The following DYNC1I1 variants were observed in gnomAD, a reference collection of about 807,000 sequenced individuals.
DYNC1I1 encodes dynein cytoplasmic 1 intermediate chain 1.
Under a neutral mutation model 86.6 loss-of-function variants are expected in DYNC1I1, and 43 were observed. That is an observed-to-expected ratio of 0.50 (90% CI 0.39 to 0.64). DYNC1I1 has a LOEUF of 0.64. Among genes scored for constraint, DYNC1I1 ranks in the 30% least tolerant of loss-of-function variants. DYNC1I1 has a pLI of 0.00. For synonymous variants in DYNC1I1, 262 were observed against 283.7 expected (o/e 0.92, Z 0.77); for missense variants, 604 against 788.8 (o/e 0.77, Z 2.81).
chr7:96,073,781 G>A (rs1790242398), intron 14 of DYNC1I1, among the ~76,000 whole-genome samples: 2 of 152,228 alleles, frequency 1.3e-5, no homozygotes, highest in African/African-American at 4.8e-5. Context: ...AATTTGCAGT[G>A]GGAATAATCT....
At chr7:96,066,348 C>T (rs967034558) in intron 14 of DYNC1I1, among the ~76,000 whole-genome samples, 2 of 152,190 alleles carry the variant, frequency 1.3e-5, no homozygotes. Flanking sequence ...ACACCACTAC[C>T]ACCCCCAATC....
Position 95,907,236 on chromosome 7 carries a change from G to A in DYNC1I1, c.490+37238G>A, listed in dbSNP as rs567818323. On this transcript the variant is annotated intron_variant, in intron 6 of 16. Coordinates refer to ENST00000447467, the MANE Select transcript of DYNC1I1 (RefSeq NM_001135556.2). ...TATTTGGATACGAGCATATATCCTT[G>A]CCCCGCTTTTTCATGTTTGAAGCAG... Among the ~76,000 whole-genome samples, 51 of 152,232 alleles carry A rather than the reference G, an allele frequency of 3.4e-4. 1 individual carries two copies. Among genetic ancestry groups the A allele is most frequent in the African/African-American group, 1.2e-3 (51 of 41,554 alleles).
intron 14 of DYNC1I1, among the ~76,000 whole-genome samples, chr7:96,045,898 G>T (rs1473737984): frequency 6.6e-6 from 1 of 152,156 alleles, no homozygotes; most frequent in Non-Finnish European, 1.5e-5. Context: ...ATGGGAAGGG[G>T]AGACGGAATA....
intron 11 of DYNC1I1, among the ~76,000 whole-genome samples, chr7:96,029,142 G>T (rs540577109): frequency 6.6e-6 from 1 of 152,258 alleles, no homozygotes; most frequent in South Asian, 2.1e-4. Context: ...CATGAAAAAG[G>T]ACTGCCAGCT....
intron 10 of DYNC1I1, among the ~76,000 whole-genome samples, chr7:96,025,980 G>A (rs1431769319): frequency 1.3e-5 from 2 of 151,974 alleles, no homozygotes; most frequent in Non-Finnish European, 2.9e-5. Context: ...ATACCACCTG[G>A]ATAATTTTAA....
intron 10 of DYNC1I1, among the ~76,000 whole-genome samples, chr7:96,025,847 G>A (rs577535691): frequency 1.3e-5 from 2 of 151,484 alleles, no homozygotes; most frequent in African/African-American, 2.4e-5. Context: ...TTGCGGGGGG[G>A]GGATATTTGC....
intron 6 of DYNC1I1, among the ~76,000 whole-genome samples, chr7:95,928,640 G>T (rs1177194624): frequency 1.3e-5 from 2 of 152,174 alleles, no homozygotes; most frequent in Non-Finnish European, 2.9e-5. Flanking sequence ...TTCAGTGTTA[G>T]TGCCGCCAGG....
At chr7:96,019,501 T>C (rs1382970529) in intron 10 of DYNC1I1, among the ~76,000 whole-genome samples, 1 of 152,124 alleles carries the variant, frequency 6.6e-6, no homozygotes. Context: ...TGGTATAGGA[T>C]GTGGCCTGAG....
intron 6 of DYNC1I1, among the ~76,000 whole-genome samples, chr7:95,975,271 A>G (rs1793273907): frequency 6.6e-6 from 1 of 152,126 alleles, no homozygotes; most frequent in East Asian, 1.9e-4. Flanking sequence ...AATACCACAA[A>G]CTGGCTGTTT....
intron 6 of DYNC1I1, among the ~76,000 whole-genome samples, chr7:95,954,559 C>T (rs931988457): frequency 6.6e-6 from 1 of 152,056 alleles, no homozygotes; most frequent in Non-Finnish European, 1.5e-5. Context: ...AATGCTAAAA[C>T]TCAATGACAT....
chr7:96,006,549 A>G (rs897366351), intron 10 of DYNC1I1, among the ~76,000 whole-genome samples: 2 of 152,336 alleles, frequency 1.3e-5, no homozygotes, highest in East Asian at 3.9e-4. Flanking sequence ...TCCTGCCTTT[A>G]GAACATTCCA....
At chr7:95,883,602 G>C (rs1395865720) in intron 6 of DYNC1I1, among the ~76,000 whole-genome samples, 2 of 152,140 alleles carry the variant, frequency 1.3e-5, no homozygotes, top group Non-Finnish European at 2.9e-5. Flanking sequence ...ACTAATGTAT[G>C]CATAAATGTG....
At chr7:95,840,622 T>G (rs545292624) in intron 5 of DYNC1I1, among the ~76,000 whole-genome samples, 1 of 152,350 alleles carries the variant, frequency 6.6e-6, no homozygotes, top group Non-Finnish European at 1.5e-5. Context: ...TCTTTGATTC[T>G]TTGTGTTAGT....
chr7:95,924,554 G>A (rs932886671), intron 6 of DYNC1I1, among the ~76,000 whole-genome samples: 4 of 152,206 alleles, frequency 2.6e-5, no homozygotes, highest in South Asian at 2.1e-4. Context: ...TATGTCCATC[G>A]GACAGCAGTG....
At chr7:95,773,710 T>C (rs1021198914) in intron 1 of DYNC1I1, among the ~76,000 whole-genome samples, 4 of 152,210 alleles carry the variant, frequency 2.6e-5, no homozygotes, top group Non-Finnish European at 4.4e-5. Context: ...TGTAGACTTA[T>C]TGTAGTTCAG....
chr7:95,901,533 A>G (rs1791037039), intron 6 of DYNC1I1, among the ~76,000 whole-genome samples: 1 of 152,190 alleles, frequency 6.6e-6, no homozygotes, highest in Admixed American at 6.5e-5. Context: ...CTGTTTTAAA[A>G]ATAGCTTGTA....
At chr7:96,093,001 C>T (rs1790892712) in intron 16 of DYNC1I1, among the ~76,000 whole-genome samples, 1 of 152,110 alleles carries the variant, frequency 6.6e-6, no homozygotes, top group African/African-American at 2.4e-5. Flanking sequence ...ATTTAGCTCC[C>T]TATACTGTCC....
chr7:95,778,838 T>G (rs1468912320), intron 1 of DYNC1I1, among the ~76,000 whole-genome samples: 1 of 152,000 alleles, frequency 6.6e-6, no homozygotes, highest in East Asian at 1.9e-4. Context: ...TAAAAAATTT[T>G]TTTTTTCATA....
At chr7:95,974,960 TG>T (rs1304733727) in intron 6 of DYNC1I1, among the ~76,000 whole-genome samples, 1 of 152,098 alleles carries the variant, frequency 6.6e-6, no homozygotes, top group Non-Finnish European at 1.5e-5. Flanking sequence ...CATCATGCTG[TG>T]GTTCAGGAGG....
Sources: allele counts gnomAD v4.1 joint callset (sites outside exome capture counted in the v4.1 genomes callset), GRCh38; gene constraint gnomAD v4.1.1; transcripts MANE v1.5; gene names NCBI Gene and HGNC (gene_info 2026-07-23, HGNC 2026-07-21).